FOXP1: variants seen among roughly 807,000 people sequenced by gnomAD.
The protein encoded by FOXP1 is forkhead box P1, also known as forkhead box protein P1.
In FOXP1, 15 loss-of-function variants were observed where a neutral mutation model predicts 98.2. The ratio of observed to expected loss-of-function variants is 0.15; its 90% CI spans 0.10 to 0.24. The LOEUF is 0.24. Among genes scored for constraint, FOXP1 ranks in the 10% least tolerant of loss-of-function variants. FOXP1 has a pLI of 1.00. For synonymous variants in FOXP1, 371 were observed against 314.5 expected, an observed-to-expected ratio of 1.18 and a Z score of -1.90; for missense variants, 633 against 848.5, an observed-to-expected ratio of 0.75 and a Z score of 3.15.
chr3:71,138,538 G>A (rs2059925811), intron 6 of FOXP1, among the ~76,000 whole-genome samples: 2 of 152,150 alleles, frequency 1.3e-5, no homozygotes, highest in South Asian at 4.1e-4. Context: ...AGCAGATTAG[G>A]ATTCAAACAT....
At chr3:71,117,412 A>T (rs2058451000) in intron 6 of FOXP1, among the ~76,000 whole-genome samples, 2 of 152,294 alleles carry the variant, frequency 1.3e-5, no homozygotes, top group South Asian at 4.1e-4. Flanking sequence ...ACAACTGAGG[A>T]GTGAGAATGG....
Position 70,966,016 on chromosome 3 carries a change from G to A in FOXP1, c.1763C>T (p.Ala588Val), listed in dbSNP as rs753078519. The A allele has an allele frequency of 1.2e-6, 2 of 1,614,154 alleles. No individual in the cohort carries two copies. Among genetic ancestry groups the A allele is most frequent in the Non-Finnish European group, 1.7e-6 (2 of 1,180,008 alleles). Residue 588 changes from alanine to valine, a missense_variant, in exon 20 of 21, where the codon GCT becomes GTT. By Grantham distance (64) the Ala-to-Val change is moderately conservative. Transcript: ENST00000649528. ...GCCCAGAGTGGGATTTCCCATGGAA[G>A]CGGTAGTGTATAGAGGTATACTATT... is the stretch of plus-strand genomic sequence containing the variant. ...AENSIPLYTT[A>V]SMGNPTLGNL... is the part of the protein sequence containing the mutation.
At chr3:71,257,118 C>T (rs1201815506) in intron 5 of FOXP1, among the ~76,000 whole-genome samples, 1 of 152,164 alleles carries the variant, frequency 6.6e-6, no homozygotes, top group Non-Finnish European at 1.5e-5. Flanking sequence ...TGAACTCTTG[C>T]TGAATATAAT....
chr3:71,033,362 T>C (rs1461262467), intron 11 of FOXP1, among the ~76,000 whole-genome samples: 2 of 152,006 alleles, frequency 1.3e-5, no homozygotes, highest in Admixed American at 6.6e-5. Flanking sequence ...AACATCCTAA[T>C]AAAAAAATTC....
intron 6 of FOXP1, among the ~76,000 whole-genome samples, chr3:71,154,693 C>A (rs2060735296): frequency 6.6e-6 from 1 of 152,156 alleles, no homozygotes; most frequent in African/African-American, 2.4e-5. Context: ...GTGCCTCAGT[C>A]ACTGCAGCTA....
chr3:71,533,940 G>A (rs955813066), intron 2 of FOXP1, among the ~76,000 whole-genome samples: 2 of 152,106 alleles, frequency 1.3e-5, no homozygotes, highest in African/African-American at 4.8e-5. Flanking sequence ...GGTGTCACGG[G>A]AAGCCCAATT....
At chr3:71,374,335 T>C (rs1035719952) in intron 3 of FOXP1, among the ~76,000 whole-genome samples, 2 of 152,194 alleles carry the variant, frequency 1.3e-5, no homozygotes, top group Admixed American at 6.5e-5. Flanking sequence ...GGCTCATGCC[T>C]GTAATCCCAG....
chr3:71,529,059 GA>G (rs1225358513), intron 2 of FOXP1, among the ~76,000 whole-genome samples: 1 of 152,172 alleles, frequency 6.6e-6, no homozygotes, highest in Admixed American at 6.5e-5. Flanking sequence ...TTCAATACAG[GA>G]GGCTTTTCTG....
At chr3:71,094,942 A>G (rs981205470) in intron 7 of FOXP1, among the ~76,000 whole-genome samples, 5 of 152,328 alleles carry the variant, frequency 3.3e-5, no homozygotes, top group Admixed American at 1.3e-4. Flanking sequence ...CCTGATCTAC[A>G]TAAGAGTTTC....
intron 11 of FOXP1, among the ~76,000 whole-genome samples, chr3:71,025,599 T>A (rs1037089115): frequency 6.6e-6 from 1 of 152,188 alleles, no homozygotes; most frequent in African/African-American, 2.4e-5. Context: ...TATTTAAAAA[T>A]TAATGCAAGG....
At chr3:70,988,440 T>C (rs532428443) in intron 13 of FOXP1, among the ~76,000 whole-genome samples, 103 of 152,330 alleles carry the variant, frequency 6.8e-4, no homozygotes, top group Non-Finnish European at 1.1e-3. Flanking sequence ...CATAAATTCA[T>C]CTGTTGTGGT....
chr3:71,193,931 C>T (rs1401390293), intron 6 of FOXP1, among the ~76,000 whole-genome samples: 2 of 152,180 alleles, frequency 1.3e-5, no homozygotes, highest in African/African-American at 2.4e-5. Flanking sequence ...TCCCTATCTA[C>T]CGTTCCCACC....
intron 12 of FOXP1, among the ~76,000 whole-genome samples, chr3:71,001,682 G>A (rs1448049100): frequency 3.9e-5 from 6 of 152,126 alleles, no homozygotes; most frequent in African/African-American, 1.2e-4. Flanking sequence ...TCCAGTTTAC[G>A]GATGATTCAG....
chr3:71,247,953 A>T (rs2067881781), intron 5 of FOXP1, among the ~76,000 whole-genome samples: 1 of 152,192 alleles, frequency 6.6e-6, no homozygotes, highest in Non-Finnish European at 1.5e-5. Flanking sequence ...AAACTTTTAA[A>T]TGCATGAATC....
chr3:71,384,347 A>G (rs2080409014), intron 3 of FOXP1, among the ~76,000 whole-genome samples: 1 of 152,206 alleles, frequency 6.6e-6, no homozygotes, highest in South Asian at 2.1e-4. Flanking sequence ...TGTGGAAGGA[A>G]ATTGTGGAAA....
intron 3 of FOXP1, among the ~76,000 whole-genome samples, chr3:71,476,331 T>C (rs1460534510): frequency 6.6e-6 from 1 of 151,878 alleles, no homozygotes; most frequent in African/African-American, 2.4e-5. Context: ...TTTTGAGCAA[T>C]GGTTAAACCA....
At chr3:71,235,905 G>A (rs2066731226) in intron 5 of FOXP1, among the ~76,000 whole-genome samples, 1 of 152,148 alleles carries the variant, frequency 6.6e-6, no homozygotes, top group Admixed American at 6.5e-5. Flanking sequence ...ACACAATACT[G>A]TAAGGTAAAT....
At chr3:71,325,143 C>T (rs2075613495) in intron 4 of FOXP1, among the ~76,000 whole-genome samples, 1 of 151,202 alleles carries the variant, frequency 6.6e-6, no homozygotes, top group Non-Finnish European at 1.5e-5. Context: ...ACCTCCACCT[C>T]CCGGGTTCAA....
At chr3:71,256,034 T>G (rs939260632) in intron 5 of FOXP1, among the ~76,000 whole-genome samples, 2 of 152,190 alleles carry the variant, frequency 1.3e-5, no homozygotes, top group African/African-American at 4.8e-5. Context: ...TGGGTTTTAT[T>G]AGGACTAGTT....
Sources: allele counts gnomAD v4.1 joint callset (sites outside exome capture counted in the v4.1 genomes callset), GRCh38; gene constraint gnomAD v4.1.1; transcripts MANE v1.5; gene names NCBI Gene and HGNC (gene_info 2026-07-23, HGNC 2026-07-21).